Variants in FAM234A observed in about 807,000 individuals in gnomAD.
FAM234A encodes family with sequence similarity 234 member A, also known as protein FAM234A.
Under a neutral mutation model 49.1 loss-of-function variants are expected in FAM234A, and 42 were observed. The ratio of observed to expected loss-of-function variants is 0.86; its 90% confidence interval spans 0.67 to 1.11. The LOEUF (loss-of-function observed/expected upper bound fraction) is 1.11, where lower values mean the gene tolerates loss of function less well. FAM234A is among the 50% of genes least tolerant of loss of function. The pLI is 0.00. For missense variants in FAM234A, 815 were observed against 745.2 expected, an observed-to-expected ratio of 1.09 and a Z score of -1.09; for synonymous variants, 369 against 316.2, an observed-to-expected ratio of 1.17 and a Z score of -1.77.
chr16:258,848 A>G (rs1460856314), intron 3 of FAM234A, among the ~76,000 whole-genome samples: 4 of 152,090 alleles, frequency 2.6e-5, no homozygotes, highest in East Asian at 1.9e-4. Context: ...CAGTGGTGCA[A>G]TCTCGCTCAC....
downstream of FAM234A, among the ~76,000 whole-genome samples, chr16:267,771 GCA>G (rs375820875): frequency 8.6e-4 from 94 of 108,690 alleles, 1 homozygote; most frequent in Non-Finnish European, 1.2e-3. Flanking sequence ...CACAACACGT[GCA>G]CACACCACAC....
intron 5 of FAM234A, 155 bp downstream of exon 5, chr16:260,315 A>C: frequency 1.4e-6 from 1 of 705,566 alleles, no homozygotes; most frequent in Non-Finnish European, 2.4e-6. Flanking sequence ...CCTCCAAGTG[A>C]GGCTGCAAGC....
intron 2 of FAM234A, chr16:253,966 T>G: frequency 5.4e-6 from 1 of 185,026 alleles, no homozygotes; most frequent in South Asian, 1.1e-4. Flanking sequence ...CTCCAGGGAG[T>G]CCATGTGTGC....
downstream of FAM234A, chr16:269,390 G>A (rs200442602): frequency 3.1e-6 from 5 of 1,597,318 alleles, no homozygotes; most frequent in East Asian, 1.1e-4. Context: ...CACGCTGTGG[G>A]CGAGAAGGCG....
At position 264,804 on chromosome 16, in the gene FAM234A, C is replaced by A. The variant is rs2051631506; in HGVS notation, c.1448-7C>A. 2 of 1,608,002 alleles carry A rather than the reference C, an allele frequency of 1.2e-6. No homozygotes were observed. The highest frequency in any genetic ancestry group is 1.7e-5 in the Admixed American group (1 of 59,804). On this transcript the variant is annotated splice_polypyrimidine_tract_variant and splice_region_variant and intron_variant, in intron 12 of 12. Coordinates refer to ENST00000399932, the MANE Select transcript of FAM234A (RefSeq NM_032039.4). ...CCGCCCTGACAGCTGTGTCCCCCAC[C>A]CTGCAGCCGTCCTGTTTGAGCCAAG...
chr16:242,684 C>G (rs1215975832), intron 1 of FAM234A, among the ~76,000 whole-genome samples: 1 of 150,968 alleles, frequency 6.6e-6, no homozygotes. Context: ...GCTATCTCAG[C>G]TCACTGCAAC....
Position 252,387 on chromosome 16 carries a change from T to C in FAM234A, c.-33-1994T>C, listed in dbSNP as rs556484926. 4.6e-5 allele frequency among the ~76,000 whole-genome samples: 7 copies of C among 152,104 alleles called. No individual in the cohort carries two copies. In the East Asian group the frequency reaches 1.4e-3, roughly 30 times the overall value. ...AGTAGAGATGCGGTTTTCACCATGT[T>C]GTCCAGGATGGTCTCAATCTCTTGA... On this transcript the variant is annotated intron_variant, in intron 2 of 12. Coordinates refer to ENST00000399932, the MANE Select transcript of FAM234A (RefSeq NM_032039.4).
chr16:254,723 C>T (rs1045135232), intron 3 of FAM234A, 42 bp downstream of exon 3: 31 of 1,602,332 alleles, frequency 1.9e-5, no homozygotes, highest in Non-Finnish European at 2.6e-5. Context: ...CAAAGCAGCT[C>T]TTCCCAGGGG....
intron 2 of FAM234A, among the ~76,000 whole-genome samples, chr16:253,271 T>C (rs866818595): frequency 5.3e-5 from 8 of 152,258 alleles, no homozygotes; most frequent in Middle Eastern, 6.8e-3. Context: ...CCCCTCAGAA[T>C]TGGGGCTCAG....
At chr16:255,370 A>C (rs2051191162) in intron 3 of FAM234A, among the ~76,000 whole-genome samples, 1 of 152,076 alleles carries the variant, frequency 6.6e-6, no homozygotes, top group African/African-American at 2.4e-5. Flanking sequence ...CATCATCCCT[A>C]AAAGATTGCT....
intron 2 of FAM234A, among the ~76,000 whole-genome samples, chr16:252,870 C>T (rs1187376612): frequency 6.6e-6 from 1 of 152,188 alleles, no homozygotes. Context: ...CCTCGCTGAC[C>T]TCCGCACGCC....
intron 1 of FAM234A, among the ~76,000 whole-genome samples, chr16:235,200 A>T (rs1379077976): frequency 6.6e-6 from 1 of 152,102 alleles, no homozygotes; most frequent in Non-Finnish European, 1.5e-5. Flanking sequence ...GCCGTGGCGC[A>T]GCGTAGGTGA....
chr16:262,649 G>A (rs2051517629), intron 8 of FAM234A, 96 bp downstream of exon 8: 1 of 1,308,028 alleles, frequency 7.6e-7, no homozygotes, highest in African/African-American at 1.5e-5. Context: ...GGAGCCCAGA[G>A]CAGCCCCACC....
chr16:259,156 C>A (rs1122794), intron 3 of FAM234A, among the ~76,000 whole-genome samples: 29,307 of 152,080 alleles, frequency 0.19, 2,913 homozygotes, highest in South Asian at 0.27. Context: ...GAAGTGTAAA[C>A]CCTGACGAGT....
At chr16:252,795 ATC>A (rs1254592921) in intron 2 of FAM234A, among the ~76,000 whole-genome samples, 15 of 152,230 alleles carry the variant, frequency 9.9e-5, no homozygotes, top group South Asian at 2.1e-4. Flanking sequence ...GCAGTCCCTT[ATC>A]TCTCTGTCTT....
At chr16:254,179 C>T (rs1314279966) in intron 2 of FAM234A, 8 of 555,736 alleles carry the variant, frequency 1.4e-5, no homozygotes, top group Non-Finnish European at 3.2e-6. Flanking sequence ...CTCGCCTTTC[C>T]ACACTAATTA....
chr16:237,179 T>C (rs1456643660), intron 1 of FAM234A, among the ~76,000 whole-genome samples: 1 of 152,180 alleles, frequency 6.6e-6, no homozygotes. Flanking sequence ...GTGTTAGGAT[T>C]ACAGGTGTGA....
At chr16:266,798 C>A (rs996829944), downstream of FAM234A, among the ~76,000 whole-genome samples, 1 of 152,014 alleles carries the variant, frequency 6.6e-6, no homozygotes, top group Non-Finnish European at 1.5e-5. Context: ...TCTGCGGACG[C>A]GTCCTATAAG....
chr16:249,592 CACGACCAG>C lies in FAM234A; in HGVS notation c.-94_-87del, dbSNP rs1397220810. On this transcript the variant is annotated 5_prime_UTR_variant, in exon 2 of 13. In the 5' UTR this introduces an upstream ATG that the reference lacks. Coordinates refer to ENST00000399932, the MANE Select transcript of FAM234A (RefSeq NM_032039.4). ...AGGCACAGATTCCCCGTCCACAGCT[CACGACCAG>C]ATGCACCAGCAGGAGTCCACATCGA... The C allele has an allele frequency of 2.0e-5, 3 of 152,078 alleles. No homozygotes were observed. The highest frequency in any genetic ancestry group is 4.4e-5 in the Non-Finnish European group (3 of 68,082). 9.4% of individuals were successfully genotyped at this position (152,078 alleles called of 1,614,324 possible).
Sources: allele counts gnomAD v4.1 joint callset (sites outside exome capture counted in the v4.1 genomes callset), GRCh38; gene constraint gnomAD v4.1.1; transcripts MANE v1.5; gene names NCBI Gene and HGNC (gene_info 2026-07-23, HGNC 2026-07-21).